DYM: variants seen among roughly 807,000 people sequenced by gnomAD.
DYM encodes the protein dymeclin.
Under a neutral mutation model 93.1 loss-of-function variants are expected in DYM, and 78 were observed. The ratio of observed to expected loss-of-function variants is 0.84; its 90% CI spans 0.70 to 1.01. The LOEUF (loss-of-function observed/expected upper bound fraction) is 1.01, where lower values mean the gene tolerates loss of function less well. DYM is among the 50% of genes least tolerant of loss of function. DYM has a pLI of 0.00. For synonymous variants in DYM, 321 were observed against 319.7 expected, an observed-to-expected ratio of 1.00 and a Z score of -0.04; for missense variants, 789 against 845.0, an observed-to-expected ratio of 0.93 and a Z score of 0.82.
At chr18:49,054,475 T>G (rs1044762786) in intron 17 of DYM, among the ~76,000 whole-genome samples, 5 of 152,202 alleles carry the variant, frequency 3.3e-5, no homozygotes, top group African/African-American at 1.2e-4. Context: ...ACTCCTGACC[T>G]CAGGTGATCT....
rs895249004 is a variant in DYM at position 49,153,096 on chromosome 18, A to T, written c.1728+10589T>A. Among the ~76,000 whole-genome samples the T allele has an allele frequency of 5.9e-5, 9 of 152,254 alleles. No individual in the cohort carries two copies. In the East Asian group the frequency reaches 1.7e-3, roughly 29 times the overall value. On this transcript the variant is annotated intron_variant, in intron 15 of 17. Coordinates refer to ENST00000675505, the MANE Select transcript of DYM (RefSeq NM_001353214.3). ...TACACGTGATATTTGCTAAGAGAGT[A>T]GATCATAAGTGTTCTCATCACACAA...
rs76047170 is a variant in DYM at position 49,431,234 on chromosome 18, A to G, written c.-53-787T>C. Among the ~76,000 whole-genome samples the G allele has an allele frequency of 1.7e-3, 265 of 152,320 alleles. 1 individual carries two copies. Among genetic ancestry groups the G allele is most frequent in the Non-Finnish European group, 2.9e-3 (196 of 68,016 alleles). ...GTGAAAGAGATCCCAATTACAAAGGAATCACATTTAATGTTTCTGTCATTC... is the reference window on the plus strand; with the variant it reads ...GTGAAAGAGATCCCAATTACAAAGGGATCACATTTAATGTTTCTGTCATTC... On this transcript the variant is annotated intron_variant, in intron 1 of 17. Transcript: ENST00000675505.
intron 6 of DYM, among the ~76,000 whole-genome samples, chr18:49,361,350 G>T (rs988855028): frequency 5.3e-5 from 8 of 152,194 alleles, no homozygotes; most frequent in Non-Finnish European, 1.2e-4. Context: ...ATGTACGACA[G>T]CAGCCTGGAG....
At chr18:49,080,178 T>A (rs1458978488) in intron 17 of DYM, among the ~76,000 whole-genome samples, 2 of 44,532 alleles carry the variant, frequency 4.5e-5, no homozygotes, top group African/African-American at 2.4e-4. Context: ...CCCACCTCCC[T>A]CCCGGACGGG....
intron 6 of DYM, among the ~76,000 whole-genome samples, chr18:49,355,152 A>C (rs548804304): frequency 6.6e-6 from 1 of 152,162 alleles, no homozygotes; most frequent in African/African-American, 2.4e-5. Flanking sequence ...TGTACATGAC[A>C]ATGATAGATA....
At chr18:49,064,819 A>T (rs1483826378) in intron 17 of DYM, among the ~76,000 whole-genome samples, 1 of 151,594 alleles carries the variant, frequency 6.6e-6, no homozygotes, top group African/African-American at 2.4e-5. Context: ...TCAAAATTGT[A>T]GTTTCTCTCT....
intron 11 of DYM, among the ~76,000 whole-genome samples, chr18:49,270,453 T>C (rs544716304): frequency 4.6e-5 from 7 of 152,238 alleles, no homozygotes; most frequent in African/African-American, 1.7e-4. Flanking sequence ...TGAGGAGATA[T>C]AGGTCAAAGT....
intron 8 of DYM, among the ~76,000 whole-genome samples, chr18:49,317,503 A>C (rs902855823): frequency 2.0e-5 from 3 of 150,874 alleles, no homozygotes; most frequent in Non-Finnish European, 4.4e-5. Flanking sequence ...TTTAACTAAA[A>C]CAATCAACTC....
chr18:49,163,636 G>A, intron 15 of DYM, 49 bp downstream of exon 15: 1 of 1,273,804 alleles, frequency 7.9e-7, no homozygotes. Flanking sequence ...GAGTTACTGT[G>A]CCTGGCTGAA....
At position 49,440,121 on chromosome 18, in the gene DYM, T is replaced by C. The variant is rs754602215; in HGVS notation, c.-53-9674A>G. On this transcript the variant is annotated intron_variant, in intron 1 of 17. Coordinates refer to ENST00000675505, the MANE Select transcript of DYM (RefSeq NM_001353214.3). ...ATAAATACATAAAGTCAATCTCCTC[T>C]TTTATGTGTACTGACTATCTCTTGA... 2.3e-4 allele frequency among the ~76,000 whole-genome samples: 31 copies of C among 137,768 alleles called. 3 individuals carry two copies. The highest frequency in any genetic ancestry group is 3.5e-4 in the Non-Finnish European group (22 of 63,202). 90.4% of individuals were successfully genotyped at this position (137,768 alleles called of 152,430 possible). A position where few individuals can be genotyped will look rare whatever the true frequency, so the allele number is the denominator to read the frequency against.
intron 15 of DYM, among the ~76,000 whole-genome samples, chr18:49,156,593 G>A (rs1182418384): frequency 2.6e-5 from 4 of 151,886 alleles, no homozygotes; most frequent in Admixed American, 6.6e-5. Flanking sequence ...TGAGTAGGGC[G>A]TGGTGGTGCA....
At chr18:49,286,706 GGTAATGAGCA>G in intron 8 of DYM, 90 bp from the exon 9 acceptor site, 1 of 1,269,174 alleles carries the variant, frequency 7.9e-7, no homozygotes, top group South Asian at 1.3e-5. Flanking sequence ...AATACAATAT[GGTAATGAGCA>G]GTTCCAAAGT....
intron 8 of DYM, among the ~76,000 whole-genome samples, chr18:49,323,259 C>T (rs146370742): frequency 8.9e-4 from 136 of 152,236 alleles, no homozygotes; most frequent in Non-Finnish European, 1.7e-3. Context: ...CCACTTTGGC[C>T]ACAGTCCTCA....
At chr18:49,423,176 G>A (rs1480773359) in intron 2 of DYM, among the ~76,000 whole-genome samples, 1 of 152,164 alleles carries the variant, frequency 6.6e-6, no homozygotes, top group Admixed American at 6.5e-5. Context: ...TAAAAGAACA[G>A]AAATTATAAC....
In DYM at chr18:49,430,386, C is replaced by T. The variant is rs763427464; in HGVS notation, c.9G>A (p.Ser3=). ...GAAGATCGCCGATTCTGCTGCTATTCGATCCCATCTTCTAGCTTAAGCAGA... is the reference window on the plus strand; with the variant it reads ...GAAGATCGCCGATTCTGCTGCTATTTGATCCCATCTTCTAGCTTAAGCAGA... MG[S]NSSRIGDLPK... is the part of the protein sequence containing the mutation. The change falls in exon 2 of 18, where the codon TCG becomes TCA. Residue 3 remains serine, a synonymous_variant. Coordinates refer to ENST00000675505, the MANE Select transcript of DYM (RefSeq NM_001353214.3). The T allele has an allele frequency of 1.7e-5, 28 of 1,613,488 alleles. No individual in the cohort carries two copies. The highest frequency in any genetic ancestry group is 5.3e-5 in the African/African-American group (4 of 74,898).
At chr18:49,410,059 T>A (rs2072040370) in intron 2 of DYM, among the ~76,000 whole-genome samples, 1 of 152,168 alleles carries the variant, frequency 6.6e-6, no homozygotes, top group African/African-American at 2.4e-5. Flanking sequence ...TCTGAACACT[T>A]TGGATTTTGT....
rs754219419 is a variant in DYM, at chr18:49,430,222, A to G, written c.140+33T>C. The G allele has an allele frequency of 3.7e-6, 6 of 1,607,794 alleles. No individual in the cohort carries two copies. In the East Asian group the frequency reaches 8.9e-5, roughly 24 times the overall value. ...ACCACACAAGTTGATATGGCCCTCT[A>G]TTCAAATTTTCAATCTCCAGGCAAT... On this transcript the variant is annotated intron_variant, in intron 2 of 17. Transcript: ENST00000675505.
intron 17 of DYM, among the ~76,000 whole-genome samples, chr18:49,057,278 G>C (rs2075581464): frequency 6.6e-6 from 1 of 152,232 alleles, no homozygotes; most frequent in Non-Finnish European, 1.5e-5. Flanking sequence ...TGGCAAAGCA[G>C]TGATGCTGAC....
chr18:49,407,273 C>A (rs111574758), intron 2 of DYM, among the ~76,000 whole-genome samples: 26 of 152,268 alleles, frequency 1.7e-4, no homozygotes, highest in African/African-American at 5.3e-4. Context: ...TAAATCTACT[C>A]ACATGATAAA....
Sources: allele counts gnomAD v4.1 joint callset (sites outside exome capture counted in the v4.1 genomes callset), GRCh38; gene constraint gnomAD v4.1.1; transcripts MANE v1.5; gene names NCBI Gene and HGNC (gene_info 2026-07-23, HGNC 2026-07-21).